The following LRIF1 variants were observed in gnomAD, a reference collection of about 807,000 sequenced individuals.
LRIF1 encodes ligand-dependent nuclear receptor-interacting factor 1.
A neutral mutation model predicts 52.7 loss-of-function variants in LRIF1; 32 were observed. The observed-to-expected ratio is 0.61, with a 90% CI of 0.46 to 0.82. The LOEUF is 0.82. LRIF1 is among the 40% of genes least tolerant of loss of function. The pLI, the probability that LRIF1 is intolerant of heterozygous loss-of-function variation, is 0.00. For synonymous variants in LRIF1, 323 were observed against 317.4 expected (o/e 1.02, Z -0.19); for missense variants, 887 against 892.0 (o/e 0.99, Z 0.07).
the LRIF1 span, among the ~76,000 whole-genome samples, chr1:110,928,560 TTAAA>T: frequency 6.6e-6 from 1 of 152,134 alleles, no homozygotes; most frequent in Non-Finnish European, 1.5e-5. Context: ...AATAATAGAA[TTAAA>T]TAAGTAAACT....
the LRIF1 span, among the ~76,000 whole-genome samples, chr1:110,924,466 G>A: frequency 6.6e-6 from 1 of 152,182 alleles, no homozygotes; most frequent in Non-Finnish European, 1.5e-5. Context: ...AGGGCAAAGA[G>A]GCAGCAAGGT....
chr1:110,943,566 T>C (rs1187067888), downstream of LRIF1: 1 of 152,192 alleles, frequency 6.6e-6, no homozygotes, highest in Non-Finnish European at 1.5e-5. Context: ...ATAACTAATT[T>C]AATCTCTTCT....
the LRIF1 span, among the ~76,000 whole-genome samples, chr1:110,893,262 G>T: frequency 7.9e-4 from 120 of 152,232 alleles, no homozygotes; most frequent in Middle Eastern, 0.01. Flanking sequence ...AAATCATTTG[G>T]TTAATCTTTT....
At position 110,952,366 on chromosome 1, in the gene LRIF1, G is replaced by A. The variant is rs777661694; in HGVS notation, c.518C>T (p.Thr173Ile). 1.2e-6 allele frequency: 2 copies of A among 1,614,092 alleles called. No individual in the cohort carries two copies. Among genetic ancestry groups the A allele is most frequent in the Non-Finnish European group, 1.7e-6 (2 of 1,179,940 alleles). The change falls in exon 2 of 4, where the codon ACT becomes ATT. Residue 173 changes from threonine to isoleucine, a missense_variant. Thr to Ile is a moderately conservative substitution (Grantham distance 89). Transcript: ENST00000369763. ...AGAAGGCAAAACTGGAGACTTCACA[G>A]TCACTGGAAGACTCTGGGTATTAAC... is the stretch of plus-strand genomic sequence containing the variant. ...IVVNTQSLPV[T>I]VKSPVLPSGH...
At chr1:110,953,951 ATGTT>A (rs1454510716) in intron 1 of LRIF1, among the ~76,000 whole-genome samples, 5 of 152,168 alleles carry the variant, frequency 3.3e-5, no homozygotes, top group Admixed American at 1.3e-4. Context: ...ATATATTAAT[ATGTT>A]TGTCTATAGA....
chr1:110,944,159 AAAGTGGTCAT>A (rs1230928799), downstream of LRIF1: 3 of 152,238 alleles, frequency 2.0e-5, no homozygotes, highest in African/African-American at 7.2e-5. Flanking sequence ...CTGACAATAA[AAAGTGGTCAT>A]ATTTGGAGTA....
At chr1:110,957,694 C>G (rs1478664666) in intron 1 of LRIF1, among the ~76,000 whole-genome samples, 2 of 152,094 alleles carry the variant, frequency 1.3e-5, no homozygotes, top group African/African-American at 4.8e-5. Flanking sequence ...AGTAGTCTAT[C>G]CTACCATTCA....
chr1:110,878,398 A>T, the LRIF1 span, among the ~76,000 whole-genome samples: 1 of 152,182 alleles, frequency 6.6e-6, no homozygotes, highest in African/African-American at 2.4e-5. Context: ...TACCTTGCGA[A>T]TGCTCTTGTA....
chr1:110,883,332 A>C, the LRIF1 span, among the ~76,000 whole-genome samples: 1 of 151,948 alleles, frequency 6.6e-6, no homozygotes, highest in African/African-American at 2.4e-5. Flanking sequence ...TTTCTCTTTC[A>C]ATTCATTAAT....
chr1:110,892,817 T>C, the LRIF1 span: 89 of 299,534 alleles, frequency 3.0e-4, no homozygotes, highest in Non-Finnish European at 4.5e-4. Flanking sequence ...ATTTTATTTT[T>C]TCTTTATGTC....
the LRIF1 span, among the ~76,000 whole-genome samples, chr1:110,930,458 A>G: frequency 4.6e-5 from 7 of 152,274 alleles, no homozygotes; most frequent in Admixed American, 2.0e-4. Flanking sequence ...GCAGATGCCT[A>G]CCTTCTCACT....
intron 1 of LRIF1, among the ~76,000 whole-genome samples, chr1:110,958,018 A>G (rs1459424274): frequency 6.6e-6 from 1 of 152,038 alleles, no homozygotes; most frequent in Non-Finnish European, 1.5e-5. Flanking sequence ...TGTTTTTCTG[A>G]TTGCAGCCAC....
chr1:110,938,148 C>G, the LRIF1 span: 2 of 152,218 alleles, frequency 1.3e-5, no homozygotes, highest in East Asian at 3.9e-4. Context: ...GAACTAATAC[C>G]AATCTCACTC....
At chr1:110,948,586 A>G (rs1658314523) in intron 3 of LRIF1, among the ~76,000 whole-genome samples, 187 bp from the exon 4 acceptor site, 1 of 152,236 alleles carries the variant, frequency 6.6e-6, no homozygotes, top group Non-Finnish European at 1.5e-5. Flanking sequence ...TCTTAATCAT[A>G]TTCAGTAAGA....
the LRIF1 span, among the ~76,000 whole-genome samples, chr1:110,914,102 T>C: frequency 2.0e-5 from 3 of 152,124 alleles, no homozygotes; most frequent in African/African-American, 7.2e-5. Context: ...AGCTAATCAT[T>C]AAGTACACAT....
At chr1:110,875,034 A>G in the LRIF1 span, among the ~76,000 whole-genome samples, 1 of 152,344 alleles carries the variant, frequency 6.6e-6, no homozygotes, top group East Asian at 1.9e-4. Context: ...CTTTTCTATA[A>G]TAGATGGAGA....
the LRIF1 span, among the ~76,000 whole-genome samples, chr1:110,915,105 A>G: frequency 1.3e-5 from 2 of 152,268 alleles, no homozygotes; most frequent in Non-Finnish European, 2.9e-5. Context: ...GTAAGGAATT[A>G]TAGTACATAG....
chr1:110,948,553 T>C (rs1557836979), intron 3 of LRIF1, among the ~76,000 whole-genome samples, 154 bp from the exon 4 acceptor site: 1 of 152,232 alleles, frequency 6.6e-6, no homozygotes, highest in Non-Finnish European at 1.5e-5. Flanking sequence ...GGGAAATATT[T>C]CCCACTGTAT....
At position 110,947,892 on chromosome 1, in the gene LRIF1, ATTAAC is replaced by A; in HGVS notation, c.*62_*66del. On this transcript the variant is annotated 3_prime_UTR_variant, in exon 4 of 4. Transcript: ENST00000369763. ...AAGACACTTTCAGAACACACCTACA[ATTAAC>A]TTATTAATGCTGAAGTATATTTTAA... 1 of 1,512,160 alleles carries A rather than the reference ATTAAC, an allele frequency of 6.6e-7. No homozygotes were observed. Among genetic ancestry groups the A allele is most frequent in the South Asian group, 1.4e-5 (1 of 73,084 alleles). The allele number at this position is 1,512,160 out of a possible 1,614,324, so 93.7% of individuals were successfully genotyped here.
Sources: allele counts gnomAD v4.1 joint callset (sites outside exome capture counted in the v4.1 genomes callset), GRCh38; gene constraint gnomAD v4.1.1; transcripts MANE v1.5; gene names NCBI Gene and HGNC (gene_info 2026-07-23, HGNC 2026-07-21).